The following PTPN23 variants were observed in gnomAD, a reference collection of about 807,000 sequenced individuals.
PTPN23 encodes tyrosine-protein phosphatase non-receptor type 23.
PTPN23 carries 72 observed loss-of-function variants against 156.3 expected under a neutral mutation model. That is an observed-to-expected ratio of 0.46 (90% CI 0.38 to 0.56). The LOEUF is 0.56. Ranked by LOEUF, PTPN23 falls within the 20% of genes least tolerant of loss-of-function variation. The probability of loss-of-function intolerance (pLI) is 0.00; values close to 1 mark genes in which losing one functional copy is unlikely to be tolerated. For synonymous variants in PTPN23, 957 were observed against 899.6 expected (o/e 1.06, Z -1.14); for missense variants, 1,974 against 2,171.5 (o/e 0.91, Z 1.81).
At chr3:47,400,407 C>T (rs756072622) in intron 2 of PTPN23, among the ~76,000 whole-genome samples, 40 of 152,308 alleles carry the variant, frequency 2.6e-4, no homozygotes, top group Admixed American at 2.5e-3. Flanking sequence ...CTCCTCTGTG[C>T]GGCTCTGCGC....
In PTPN23 at chr3:47,413,141, C is replaced by G; in HGVS notation, c.4867C>G (p.Pro1623Ala). The G allele has an allele frequency of 6.2e-7, 1 of 1,612,754 alleles. No homozygotes were observed. The highest frequency in any genetic ancestry group is 8.5e-7 in the Non-Finnish European group (1 of 1,179,942). The change falls in exon 25 of 25, where the codon CCC becomes GCC. Residue 1623 changes from proline (P) to alanine (A), a missense_variant. Transcript: ENST00000265562. ...GCGGGCCACCCGGCCCTCTGACGAC[C>G]CCCTCAGCCTTCTGGATCCACTCTG... ...GLRATRPSDD[P>A]LSLLDPLWTL...
intron 1 of PTPN23, among the ~76,000 whole-genome samples, chr3:47,390,512 GTCTGC>G (rs1357756060): frequency 6.6e-6 from 1 of 152,022 alleles, no homozygotes; most frequent in African/African-American, 2.4e-5. Context: ...CTTTCTCCTC[GTCTGC>G]TGCTGGGCCT....
chr3:47,407,673 T>C lies in PTPN23; in HGVS notation c.1004-24T>C. 6.2e-7 allele frequency: 1 copy of C among 1,610,444 alleles called. No homozygotes were observed. Among genetic ancestry groups the C allele is most frequent in the Non-Finnish European group, 8.5e-7 (1 of 1,176,932 alleles). On this transcript the variant is annotated intron_variant, in intron 12 of 24. Transcript: ENST00000265562. The surrounding 1 kb of genome is among the most constrained non-coding windows in gnomAD (Gnocchi z 4.0). ...CCTCAAGGACTCTGCGTGGGCCTGATCTCCACAATTCCCACCCCCCCAGGA... is the reference window on the plus strand; with the variant it reads ...CCTCAAGGACTCTGCGTGGGCCTGACCTCCACAATTCCCACCCCCCCAGGA...
Position 47,412,961 on chromosome 3 carries a change from C to T in PTPN23, c.4687C>T (p.Pro1563Ser). The change falls in exon 25 of 25, where the codon CCA becomes TCA. Residue 1563 changes from proline (P) to serine (S), a missense_variant. Around this residue, in one of 4 missense-constraint regions of PTPN23, gnomAD observed 484 missense variants for 516.0 expected, o/e 0.94. Transcript: ENST00000265562. ...PEAPQPKEEP[P>S]VPEAPSSGPP... ...GGCTCCCCAGCCTAAGGAGGAGCCG[C>T]CAGTGCCTGAAGCCCCCAGCTCGGG... is the stretch of plus-strand genomic sequence containing the variant. The T allele has an allele frequency of 6.2e-7, 1 of 1,608,094 alleles. No individual in the cohort carries two copies. The highest frequency in any genetic ancestry group is 1.1e-5 in the South Asian group (1 of 90,718).
chr3:47,410,386 C>A lies in PTPN23; in HGVS notation c.2588C>A (p.Ala863Asp). The A allele has an allele frequency of 6.2e-7, 1 of 1,611,372 alleles. No individual in the cohort carries two copies. The highest frequency in any genetic ancestry group is 8.5e-7 in the Non-Finnish European group (1 of 1,179,050). ...PAPPVAGLPS[A>D]PPPQFSGPEL... ...CCACCAGTTGCAGGTCTCCCCTCGG[C>A]CCCACCTCCTCAATTCTCAGGCCCC... The change falls in exon 20 of 25, where the codon GCC becomes GAC. Residue 863 changes from alanine (A) to aspartate (D), a missense_variant. Physicochemically the swap from Ala to Asp is moderately radical, Grantham distance 126. Transcript: ENST00000265562.
Position 47,411,218 on chromosome 3 carries a change from G to C in PTPN23, c.3420G>C (p.Leu1140=). Residue 1140 remains leucine (L), a synonymous_variant, in exon 20 of 25, where the codon CTG becomes CTC. Transcript: ENST00000265562. This position sits in a 1 kb window ranked among gnomAD's most constrained non-coding sequence, Gnocchi z 6.3. ...GTQSPGGGQP[L]LQPTKVDAAE... is the part of the protein sequence containing the mutation. ...AGTCTCCTGGGGGTGGGCAGCCCCT[G>C]CTGCAGCCCACCAAGGTGGATGCAG... is the stretch of plus-strand genomic sequence containing the variant. The C allele has an allele frequency of 1.2e-6, 2 of 1,605,522 alleles. No homozygotes were observed. Among genetic ancestry groups the C allele is most frequent in the Middle Eastern group, 1.7e-4 (1 of 6,054 alleles).
In PTPN23 at chr3:47,405,979, A is replaced by G. The variant is rs767613597; in HGVS notation, c.479A>G (p.His160Arg). 2.5e-6 allele frequency: 4 copies of G among 1,613,746 alleles called. No individual in the cohort carries two copies. The highest frequency in any genetic ancestry group is 3.4e-6 in the Non-Finnish European group (4 of 1,179,984). The change falls in exon 6 of 25, where the codon CAC becomes CGC. Residue 160 changes from histidine (H) to arginine (R), a missense_variant. His to Arg is a conservative substitution (Grantham distance 29). This residue lies in a region of PTPN23 where 726 missense variants were observed against 929.5 expected (regional missense o/e 0.78). Transcript: ENST00000265562. The surrounding 1 kb of genome is among the most constrained non-coding windows in gnomAD (Gnocchi z 4.7). ...GGCGCCTTCGCCTACCTACGGGAGC[A>G]CTTCCCTCAAGCCTACAGCGTCGAC... ...AAGAFAYLREHFPQAYSVDMS... is the reference protein window; with the variant it reads ...AAGAFAYLRERFPQAYSVDMS...
chr3:47,385,655 C>T (rs1380776979), intron 1 of PTPN23, among the ~76,000 whole-genome samples: 6 of 152,204 alleles, frequency 3.9e-5, no homozygotes, highest in South Asian at 4.2e-4. Flanking sequence ...CTAGTCAGGG[C>T]GACAGAGTGA....
chr3:47,393,533 CT>C, intron 1 of PTPN23, among the ~76,000 whole-genome samples: 1 of 152,288 alleles, frequency 6.6e-6, no homozygotes, highest in Middle Eastern at 3.4e-3. Flanking sequence ...CCCACAAGCC[CT>C]TTGAAAGTAA....
At chr3:47,403,137 G>A (rs559385844) in intron 2 of PTPN23, among the ~76,000 whole-genome samples, 28 of 150,556 alleles carry the variant, frequency 1.9e-4, no homozygotes, top group Admixed American at 1.3e-3. Flanking sequence ...TGCAGGCTCC[G>A]CCCCCCGGGG....
chr3:47,410,464 C>T lies in PTPN23; in HGVS notation c.2666C>T (p.Ala889Val), dbSNP rs749045037. The change falls in exon 20 of 25, where the codon GCG becomes GTG. Residue 889 changes from alanine to valine, a missense_variant. Ala to Val is a moderately conservative substitution (Grantham distance 64). This residue lies in a region of PTPN23 where 731 missense variants were observed against 669.1 expected (regional missense o/e 1.09). Transcript: ENST00000265562. The stretch of plus-strand genomic sequence containing the variant: ...ACCACCACAGTAGATAGCATCCAGG[C>T]GCCCATCCCCAGCCACACAGCCCCA... The part of the protein sequence containing the change: ...PATTTVDSIQ[A>V]PIPSHTAPRP... The T allele has an allele frequency of 9.9e-6, 16 of 1,610,390 alleles. No homozygotes were observed. Among genetic ancestry groups the T allele is most frequent in the Admixed American group, 8.4e-5 (5 of 59,782 alleles).
chr3:47,382,280 C>G (rs1704559220), intron 1 of PTPN23, among the ~76,000 whole-genome samples: 1 of 151,908 alleles, frequency 6.6e-6, no homozygotes, highest in African/African-American at 2.4e-5. Flanking sequence ...TAACGGTTAT[C>G]CAGACGTTGC....
rs750765331 is a variant in PTPN23, at chr3:47,411,346, G to A, written c.3548G>A (p.Gly1183Asp). The part of the protein sequence containing the change: ...QLQQELEAFR[G>D]QLGDVGALDT... Reference sequence around the variant, plus strand: ...CAGCAGGAGCTGGAGGCCTTTCGGGGTCAGCTGGGGGATGTGGGAGCTCTG... The same window carrying A: ...CAGCAGGAGCTGGAGGCCTTTCGGGATCAGCTGGGGGATGTGGGAGCTCTG... The change falls in exon 20 of 25, where the codon GGT becomes GAT. Residue 1183 changes from glycine to aspartate, a missense_variant. This residue lies in a region of PTPN23 where 731 missense variants were observed against 669.1 expected (regional missense o/e 1.09). Transcript: ENST00000265562. The surrounding 1 kb of genome is among the most constrained non-coding windows in gnomAD (Gnocchi z 6.3). 1.8e-5 allele frequency: 29 copies of A among 1,612,838 alleles called. No individual in the cohort carries two copies. In the African/African-American group the frequency reaches 2.0e-4, roughly 11 times the overall value.
rs369365323 is a variant in PTPN23 at position 47,407,470 on chromosome 3, C to G, written c.924-35C>G. On this transcript the variant is annotated intron_variant, in intron 11 of 24. Coordinates refer to ENST00000265562, the MANE Select transcript of PTPN23 (RefSeq NM_015466.4). The surrounding 1 kb of genome is among the most constrained non-coding windows in gnomAD (Gnocchi z 4.0). ...AGGTTCTGGATCCCCACTGACACCC[C>G]GTGACTGCCCACTCCCCCTGCTCCT... The G allele has an allele frequency of 1.9e-6, 3 of 1,608,844 alleles. No homozygotes were observed. The African/African-American group carries it at 4.0e-5, about 22-fold the overall frequency.
chr3:47,395,861 T>A (rs2107702672), intron 1 of PTPN23, among the ~76,000 whole-genome samples: 1 of 152,284 alleles, frequency 6.6e-6, no homozygotes, highest in Middle Eastern at 3.4e-3. Flanking sequence ...CCCATTTCAG[T>A]CCGCTGAGTT....
chr3:47,384,383 G>C (rs1408799895), intron 1 of PTPN23, among the ~76,000 whole-genome samples: 1 of 147,874 alleles, frequency 6.8e-6, no homozygotes, highest in Non-Finnish European at 1.5e-5. Flanking sequence ...GCGTGAACCT[G>C]GGAGGCGGAG....
chr3:47,391,140 G>A (rs1047463191), intron 1 of PTPN23, among the ~76,000 whole-genome samples: 1 of 152,142 alleles, frequency 6.6e-6, no homozygotes, highest in Non-Finnish European at 1.5e-5. Flanking sequence ...GGAAGGCTGA[G>A]GCAGGAGAAT....
intron 1 of PTPN23, among the ~76,000 whole-genome samples, chr3:47,391,159 C>T (rs1383830816): frequency 6.6e-6 from 1 of 152,126 alleles, no homozygotes; most frequent in Non-Finnish European, 1.5e-5. Flanking sequence ...ATTACTTGGA[C>T]CCAGGAGTTT....
chr3:47,381,760 A>G (rs1326394544), intron 1 of PTPN23, among the ~76,000 whole-genome samples: 4 of 152,224 alleles, frequency 2.6e-5, no homozygotes, highest in African/African-American at 7.2e-5. Context: ...GGACCAAACA[A>G]TACAATCCCA....
Sources: allele counts gnomAD v4.1 joint callset (sites outside exome capture counted in the v4.1 genomes callset), GRCh38; gene constraint gnomAD v4.1.1; regional missense constraint gnomAD v4.1.1; non-coding constraint Gnocchi (gnomAD v3.1); transcripts MANE v1.5; gene names NCBI Gene and HGNC (gene_info 2026-07-23, HGNC 2026-07-21).